Variants in ZFHX3 observed in about 807,000 individuals in gnomAD.
ZFHX3 encodes zinc finger homeobox protein 3.
In ZFHX3, 42 loss-of-function variants were observed where a neutral mutation model predicts 279.1. The observed-to-expected ratio is 0.15, with a 90% CI of 0.12 to 0.19. The LOEUF (loss-of-function observed/expected upper bound fraction) is 0.19, where lower values mean the gene tolerates loss of function less well. Among genes scored for constraint, ZFHX3 ranks in the 10% least tolerant of loss-of-function variants. The pLI is 1.00. For missense variants in ZFHX3, 4,981 were observed against 4,754.0 expected, an observed-to-expected ratio of 1.05 and a Z score of -1.40; for synonymous variants, 2,293 against 1,957.8, an observed-to-expected ratio of 1.17 and a Z score of -4.52.
At chr16:73,746,852 A>G (rs1031543604) in intron 1 of ZFHX3, among the ~76,000 whole-genome samples, 1 of 152,250 alleles carries the variant, frequency 6.6e-6, no homozygotes, top group African/African-American at 2.4e-5. Context: ...CCTACTATTA[A>G]GAGACTAGCC....
rs71156148 is a variant in ZFHX3, at chr16:73,197,924, G to GTTTTTTTTT, written c.-1103-54102_-1103-54094dup. Among the ~76,000 whole-genome samples, 87 of 53,786 alleles carry GTTTTTTTTT rather than the reference G, an allele frequency of 1.6e-3. 10 individuals are homozygous for GTTTTTTTTT. The highest frequency in any genetic ancestry group is 1.4e-3 in the Non-Finnish European group (43 of 29,968). The allele number at this position is 53,786 out of a possible 152,430, so 35.3% of individuals were successfully genotyped here. A position where few individuals can be genotyped will look rare whatever the true frequency, so the allele number is the denominator to read the frequency against. ...GATAAGTAGAGTATCTGATTTGGTGGTTTTTTTTTTTTTTTTTTTTTTTTT... is the reference window on the plus strand; with the variant it reads ...GATAAGTAGAGTATCTGATTTGGTGGTTTTTTTTTTTTTTTTTTTTTTTTTTTTTTTTTT... On this transcript the variant is annotated intron_variant, in intron 5 of 17. Transcript: ENST00000641206.
chr16:72,922,696 T>C (rs2039613390), intron 3 of ZFHX3, among the ~76,000 whole-genome samples: 1 of 152,190 alleles, frequency 6.6e-6, no homozygotes, highest in African/African-American at 2.4e-5. Flanking sequence ...GAAATTGCCT[T>C]GTGTGATCAA....
At chr16:73,602,936 T>TTA (rs72142042) in intron 2 of ZFHX3, among the ~76,000 whole-genome samples, 403 of 17,146 alleles carry the variant, frequency 0.024, 2 homozygotes, top group East Asian at 0.13. Context: ...AGACTCTGAC[T>TTA]CAAAAAAAAA....
chr16:72,917,386 T>C (rs143263711), intron 3 of ZFHX3, among the ~76,000 whole-genome samples: 1 of 152,298 alleles, frequency 6.6e-6, no homozygotes, highest in East Asian at 1.9e-4. Flanking sequence ...GTAACACAAA[T>C]ACATAAATAC....
Position 73,268,601 on chromosome 16 carries a change from C to G in ZFHX3, c.-1193-11465G>C, listed in dbSNP as rs531633691. 9.1e-4 allele frequency among the ~76,000 whole-genome samples: 139 copies of G among 152,316 alleles called. 1 individual carries two copies. The highest frequency in any genetic ancestry group is 1.5e-3 in the Non-Finnish European group (104 of 68,026). On this transcript the variant is annotated intron_variant, in intron 4 of 17. Transcript: ENST00000641206. ...ATAGCAATTAGCACCGTGGTAAATG[C>G]CTTGTGCTCTGTGCTAATTCAGAAG...
At chr16:73,447,254 G>GA (rs1389860938) in intron 3 of ZFHX3, among the ~76,000 whole-genome samples, 5 of 151,156 alleles carry the variant, frequency 3.3e-5, no homozygotes, top group Admixed American at 6.6e-5. Context: ...AAGAAGTAGT[G>GA]AAAAAAATCA....
At chr16:73,152,880 A>C (rs1966979322) in intron 5 of ZFHX3, among the ~76,000 whole-genome samples, 3 of 152,016 alleles carry the variant, frequency 2.0e-5, no homozygotes, top group African/African-American at 7.2e-5. Flanking sequence ...GGGTAATCAA[A>C]GCCCTTCTAA....
intron 3 of ZFHX3, among the ~76,000 whole-genome samples, chr16:73,425,865 T>C (rs184998525): frequency 6.6e-6 from 1 of 152,308 alleles, no homozygotes; most frequent in East Asian, 1.9e-4. Context: ...CCATATCTTG[T>C]TCACTCTTGG....
At chr16:73,244,338 A>C (rs1016974947) in intron 5 of ZFHX3, among the ~76,000 whole-genome samples, 21 of 150,816 alleles carry the variant, frequency 1.4e-4, no homozygotes, top group Admixed American at 1.1e-3. Flanking sequence ...ACTGTGAAGA[A>C]GACAGATTAT....
chr16:73,473,541 T>C (rs1597349071), intron 2 of ZFHX3, among the ~76,000 whole-genome samples: 1 of 152,092 alleles, frequency 6.6e-6, no homozygotes, highest in Non-Finnish European at 1.5e-5. Flanking sequence ...TCGAATTATA[T>C]GAGACCAGAG....
chr16:73,512,634 G>A (rs565671137), intron 2 of ZFHX3, among the ~76,000 whole-genome samples: 14 of 152,258 alleles, frequency 9.2e-5, no homozygotes, highest in Non-Finnish European at 1.5e-5. Context: ...TATGACTCAG[G>A]GTTTGATGGT....
At chr16:73,044,125 T>C (rs1406542720) in intron 1 of ZFHX3, among the ~76,000 whole-genome samples, 1 of 141,066 alleles carries the variant, frequency 7.1e-6, no homozygotes, top group African/African-American at 2.9e-5. Flanking sequence ...CTATTAAAAC[T>C]GGGTTCCCAT....
intron 7 of ZFHX3, chr16:72,809,774 G>A (rs1047129281): frequency 6.6e-6 from 1 of 152,094 alleles, no homozygotes; most frequent in Non-Finnish European, 1.5e-5. Flanking sequence ...GAATCTTCAC[G>A]TGAAAAGGCA....
intron 1 of ZFHX3, among the ~76,000 whole-genome samples, chr16:73,685,248 C>T (rs1189535244): frequency 6.6e-6 from 1 of 151,944 alleles, no homozygotes; most frequent in Non-Finnish European, 1.5e-5. Flanking sequence ...GATCTCCTGA[C>T]CTCGTGATCC....
In ZFHX3 at chr16:72,784,272, A is replaced by G. The variant is rs1248983896; in HGVS notation, c.*2892T>C. 1 of 152,558 alleles carries G rather than the reference A, an allele frequency of 6.6e-6. No homozygotes were observed. Among genetic ancestry groups the G allele is most frequent in the Non-Finnish European group, 1.5e-5 (1 of 68,188 alleles). The allele number at this position is 152,558 out of a possible 1,614,324, so 9.5% of individuals were successfully genotyped here. A position where few individuals can be genotyped will look rare whatever the true frequency, so the allele number is the denominator to read the frequency against. ...TCCATGAAAAAAAAAAACAAAAACA[A>G]AAACAAAAACCCAAACCATCAGGGA... On this transcript the variant is annotated 3_prime_UTR_variant, in exon 10 of 10. Transcript: ENST00000268489.
intron 3 of ZFHX3, among the ~76,000 whole-genome samples, chr16:73,343,278 A>G (rs1317476015): frequency 1.3e-5 from 2 of 150,680 alleles, no homozygotes; most frequent in Non-Finnish European, 2.9e-5. Context: ...TCTTGAATTA[A>G]TGATATCCCA....
upstream of ZFHX3, among the ~76,000 whole-genome samples, chr16:73,064,598 T>C (rs1259408140): frequency 6.6e-6 from 1 of 152,126 alleles, no homozygotes; most frequent in Non-Finnish European, 1.5e-5. Flanking sequence ...TGGGTATGTT[T>C]CATTCTTTCT....
chr16:72,804,413 A>G (rs1171941014), intron 7 of ZFHX3, among the ~76,000 whole-genome samples: 2 of 152,244 alleles, frequency 1.3e-5, no homozygotes, highest in African/African-American at 4.8e-5. Flanking sequence ...TACAAGTTGC[A>G]GACTCCTAGG....
At chr16:73,241,139 G>A (rs758289759) in intron 5 of ZFHX3, among the ~76,000 whole-genome samples, 18 of 152,288 alleles carry the variant, frequency 1.2e-4, no homozygotes, top group Middle Eastern at 6.8e-3. Flanking sequence ...ATTTAAAGTC[G>A]GCCTTGGCGA....
Sources: gnomAD v4.1 joint callset for allele counts (sites outside exome capture counted in the v4.1 genomes callset) on GRCh38, gnomAD v4.1.1 for gene constraint, MANE v1.5 for transcripts, NCBI Gene and HGNC (gene_info 2026-07-23, HGNC 2026-07-21) for gene names.